The following SHPRH variants were observed in gnomAD, a reference collection of about 807,000 sequenced individuals.
SHPRH encodes SNF2 histone linker PHD RING helicase, also known as E3 ubiquitin-protein ligase SHPRH.
SHPRH carries 106 observed loss-of-function variants against 202.5 expected under a neutral mutation model. The observed-to-expected ratio is 0.52, with a 90% confidence interval of 0.45 to 0.62. The LOEUF (loss-of-function observed/expected upper bound fraction) is 0.62, where lower values mean the gene tolerates loss of function less well. Among genes scored for constraint, SHPRH ranks in the 20% least tolerant of loss-of-function variants. The pLI is 0.00. For synonymous variants in SHPRH, 729 were observed against 686.0 expected, an observed-to-expected ratio of 1.06 and a Z score of -0.98; for missense variants, 1,710 against 2,020.0, an observed-to-expected ratio of 0.85 and a Z score of 2.94.
At chr6:145,933,767 A>C (rs1268790881) in intron 13 of SHPRH, among the ~76,000 whole-genome samples, 1 of 152,192 alleles carries the variant, frequency 6.6e-6, no homozygotes, top group Non-Finnish European at 1.5e-5. Flanking sequence ...ACAAAACTGA[A>C]TCCTCTTTCT....
chr6:145,946,640 T>C (rs1013443865), intron 6 of SHPRH, among the ~76,000 whole-genome samples: 3 of 152,026 alleles, frequency 2.0e-5, no homozygotes, highest in Admixed American at 1.3e-4. Context: ...TATAATAATA[T>C]GAAAATAACT....
rs906353363 is a variant in SHPRH, at chr6:145,935,039, G to A, written c.2858C>T (p.Ser953Phe). The A allele has an allele frequency of 1.8e-5, 29 of 1,614,036 alleles. No individual in the cohort carries two copies. Among genetic ancestry groups the A allele is most frequent in the Non-Finnish European group, 2.4e-5 (28 of 1,180,000 alleles). Reference protein sequence around the residue: ...QDVVVKLRKISDWALKLSSLD... With the variant: ...QDVVVKLRKIFDWALKLSSLD... The stretch of plus-strand genomic sequence containing the variant: ...GCTGCTGAGCTTCAGAGCCCAGTCA[G>A]AAATCTTCCTGAGTTTTACCACCAC... The change falls in exon 13 of 30, where the codon TCT (serine) becomes TTT (phenylalanine). Residue 953 changes from serine (S) to phenylalanine (F), a missense_variant. Ser to Phe is a radical substitution (Grantham distance 155, BLOSUM62 -2). Coordinates refer to ENST00000275233, the MANE Select transcript of SHPRH (RefSeq NM_001042683.3).
downstream of SHPRH, chr6:145,881,432 CAT>C (rs1362482906): frequency 6.6e-6 from 1 of 152,150 alleles, no homozygotes; most frequent in Non-Finnish European, 1.5e-5. Flanking sequence ...TTTGTTGACA[CAT>C]ATGAAGAAAA....
chr6:145,898,952 C>G (rs770221080), intron 25 of SHPRH, among the ~76,000 whole-genome samples: 1 of 152,062 alleles, frequency 6.6e-6, no homozygotes, highest in African/African-American at 2.4e-5. Context: ...GCTGGGACTA[C>G]AGGTGTGCAC....
At chr6:145,868,737 G>A (rs548780772) in intron 2 of SHPRH, among the ~76,000 whole-genome samples, 4 of 152,258 alleles carry the variant, frequency 2.6e-5, no homozygotes, top group Non-Finnish European at 4.4e-5. Context: ...TACAGCCTCA[G>A]CCGTCAATTG....
At chr6:145,932,546 C>T (rs762141159) in intron 14 of SHPRH, among the ~76,000 whole-genome samples, 10 of 151,702 alleles carry the variant, frequency 6.6e-5, no homozygotes, top group Non-Finnish European at 1.0e-4. Context: ...TACTTGTCAC[C>T]CTCTGTAAGA....
intron 24 of SHPRH, among the ~76,000 whole-genome samples, chr6:145,911,594 A>G (rs1479871087): frequency 6.6e-6 from 1 of 152,174 alleles, no homozygotes; most frequent in South Asian, 2.1e-4. Flanking sequence ...TTACAAATGT[A>G]GTTTTAACCG....
chr6:145,925,825 C>T (rs2128753546), intron 16 of SHPRH, among the ~76,000 whole-genome samples: 1 of 152,022 alleles, frequency 6.6e-6, no homozygotes, highest in African/African-American at 2.4e-5. Context: ...TATTTACCCC[C>T]TTAAAAAATA....
Position 145,963,916 on chromosome 6 carries a change from A to T in SHPRH, c.-218T>A, listed in dbSNP as rs1393123112. 1 of 152,300 alleles carries T rather than the reference A, an allele frequency of 6.6e-6. No individual in the cohort carries two copies. Among genetic ancestry groups the T allele is most frequent in the Non-Finnish European group, 1.5e-5 (1 of 68,100 alleles). 9.4% of individuals were successfully genotyped at this position (152,300 alleles called of 1,614,324 possible). A position where few individuals can be genotyped will look rare whatever the true frequency, so the allele number is the denominator to read the frequency against. Reference sequence around the variant, plus strand: ...CCGCAGGCCCCAGTGCATGAGGAGAAGCACAGCCTCCTTTCCCACGACCCC... The same window carrying T: ...CCGCAGGCCCCAGTGCATGAGGAGATGCACAGCCTCCTTTCCCACGACCCC... On this transcript the variant is annotated 5_prime_UTR_variant, in exon 1 of 30. Transcript: ENST00000275233.
chr6:145,864,206 A>T, downstream of SHPRH: 1 of 198,284 alleles, frequency 5.0e-6, no homozygotes, highest in East Asian at 1.4e-4. Context: ...TCATTTCTTT[A>T]TTCTTCATGT....
intron 13 of SHPRH, among the ~76,000 whole-genome samples, chr6:145,934,339 G>A (rs139685282): frequency 6.6e-6 from 1 of 151,862 alleles, no homozygotes; most frequent in Non-Finnish European, 1.5e-5. Context: ...GGTGGCACAT[G>A]TCTGTAATCC....
Position 145,924,827 on chromosome 6 carries a change from T to A in SHPRH, c.3314A>T (p.His1105Leu). The A allele has an allele frequency of 6.2e-7, 1 of 1,611,486 alleles. No homozygotes were observed. Reference sequence around the variant, plus strand: ...TTCTGTATTACACTTGCTCATGTAGTGCTCTCGCAGCTGTTTGGCCTGTGT... The same window carrying A: ...TTCTGTATTACACTTGCTCATGTAGAGCTCTCGCAGCTGTTTGGCCTGTGT... ...LEEEAKQLRE[H>L]YMSKCNTEVA... The change falls in exon 17 of 30, where the codon CAC (histidine) becomes CTC (leucine). Residue 1105 changes from histidine (H) to leucine (L), a missense_variant. By Grantham distance (99) the His-to-Leu change is moderately conservative. Coordinates refer to ENST00000275233, the MANE Select transcript of SHPRH (RefSeq NM_001042683.3).
At chr6:145,881,876 G>A (rs1780597522), downstream of SHPRH, among the ~76,000 whole-genome samples, 1 of 152,154 alleles carries the variant, frequency 6.6e-6, no homozygotes, top group African/African-American at 2.4e-5. Context: ...GGCCGAGGCA[G>A]GTGGATCGCT....
chr6:145,918,799 C>T (rs762090017), intron 22 of SHPRH: 1 of 152,184 alleles, frequency 6.6e-6, no homozygotes, highest in Non-Finnish European at 1.5e-5. Context: ...ACTTAAGGCA[C>T]TAAACAAATA....
At chr6:145,857,882 A>G in the SHPRH span, among the ~76,000 whole-genome samples, 1 of 152,170 alleles carries the variant, frequency 6.6e-6, no homozygotes, top group Non-Finnish European at 1.5e-5. Context: ...TAAGAAATCA[A>G]TCAACACAAT....
chr6:145,936,647 T>C (rs941745065), intron 11 of SHPRH, among the ~76,000 whole-genome samples: 1 of 152,034 alleles, frequency 6.6e-6, no homozygotes, highest in East Asian at 1.9e-4. Flanking sequence ...TTTATACTTT[T>C]ATGTACAGTT....
chr6:145,913,613 T>C (rs1783690521), intron 23 of SHPRH, 64 bp from the exon 24 acceptor site: 1 of 1,365,384 alleles, frequency 7.3e-7, no homozygotes, highest in Non-Finnish European at 1.0e-6. Context: ...TGATATATGT[T>C]TTGCAACTCA....
intron 2 of SHPRH, chr6:145,877,011 A>G (rs1468725932): frequency 6.6e-6 from 1 of 152,198 alleles, no homozygotes; most frequent in Non-Finnish European, 1.5e-5. Flanking sequence ...TCTGTTGTTT[A>G]ATTTACTCAG....
At chr6:145,923,049 T>C (rs538365972) in intron 18 of SHPRH, among the ~76,000 whole-genome samples, 1 of 151,692 alleles carries the variant, frequency 6.6e-6, no homozygotes, top group Non-Finnish European at 1.5e-5. Context: ...AAAAATTTGA[T>C]AGTCCTGTGC....
Sources: gnomAD v4.1 joint callset for allele counts (sites outside exome capture counted in the v4.1 genomes callset) on GRCh38, gnomAD v4.1.1 for gene constraint, MANE v1.5 for transcripts, NCBI Gene and HGNC (gene_info 2026-07-23, HGNC 2026-07-21) for gene names.